FLYWCH1: variants seen among roughly 807,000 people sequenced by gnomAD.
FLYWCH1 encodes the protein FLYWCH-type zinc finger 1.
Under a neutral mutation model 66.4 loss-of-function variants are expected in FLYWCH1, and 75 were observed. The observed-to-expected ratio is 1.13, with a 90% CI of 0.94 to 1.37. The LOEUF is 1.37. Ranked by LOEUF, FLYWCH1 falls within the 40% of genes most tolerant of loss-of-function variation. The probability of loss-of-function intolerance (pLI) is 0.00; values close to 1 mark genes in which losing one functional copy is unlikely to be tolerated. For missense variants in FLYWCH1, 1,334 were observed against 1,001.8 expected (o/e 1.33, Z -4.48); for synonymous variants, 595 against 429.9 (o/e 1.38, Z -4.75).
At chr16:2,934,750 C>T (rs963986155) in intron 6 of FLYWCH1, 2 of 446,024 alleles carry the variant, frequency 4.5e-6, no homozygotes, top group African/African-American at 4.0e-5. Flanking sequence ...TCCAGAGAGA[C>T]AGTGCTGCGA....
At chr16:2,917,854 C>T (rs563159765) in intron 2 of FLYWCH1, among the ~76,000 whole-genome samples, 4 of 145,320 alleles carry the variant, frequency 2.8e-5, no homozygotes, top group East Asian at 4.2e-4. Context: ...TCTTCCCCCT[C>T]GAGATGGAGT....
chr16:2,930,969 C>T, intron 4 of FLYWCH1, 89 bp downstream of exon 4: 1 of 1,023,420 alleles, frequency 9.8e-7, no homozygotes, highest in Non-Finnish European at 1.4e-6. Flanking sequence ...TGGGGTCCCA[C>T]AGGGTCTTTT....
intron 8 of FLYWCH1, 77 bp from the exon 9 acceptor site, chr16:2,939,955 A>G: frequency 6.6e-7 from 1 of 1,517,880 alleles, no homozygotes; most frequent in Non-Finnish European, 8.9e-7. Flanking sequence ...CGTCGTTAAC[A>G]AGGTGTGTGT....
At chr16:2,926,866 C>T (rs778297800) in intron 2 of FLYWCH1, among the ~76,000 whole-genome samples, 1 of 152,158 alleles carries the variant, frequency 6.6e-6, no homozygotes, top group Non-Finnish European at 1.5e-5. Context: ...CTCCTCCTCC[C>T]GTGGTTCAGA....
intron 2 of FLYWCH1, among the ~76,000 whole-genome samples, chr16:2,918,650 A>T (rs981078833): frequency 8.6e-5 from 13 of 150,640 alleles, no homozygotes; most frequent in Non-Finnish European, 1.3e-4. Context: ...CATTTTAGTC[A>T]GGCTGGTCTC....
In FLYWCH1 at chr16:2,928,639, C is replaced by T. The variant is rs368488535; in HGVS notation, c.-73-974C>T. On this transcript the variant is annotated intron_variant, in intron 2 of 9. Transcript: ENST00000253928. ...ATCACAAAGCAGAGCAATTTTTCTT[C>T]GTACAGATCAAAATGGAGTTTCTTA... Among the ~76,000 whole-genome samples the T allele has an allele frequency of 5.3e-5, 8 of 152,292 alleles. No individual in the cohort carries two copies. The East Asian group carries it at 1.2e-3, about 22-fold the overall frequency.
At chr16:2,944,310 A>C (rs1452567520) in intron 9 of FLYWCH1, among the ~76,000 whole-genome samples, 1 of 151,304 alleles carries the variant, frequency 6.6e-6, no homozygotes, top group Non-Finnish European at 1.5e-5. Flanking sequence ...GAATCGCTTG[A>C]AACTGGGAGG....
Position 2,927,297 on chromosome 16 carries a change from G to A in FLYWCH1, c.-73-2316G>A, listed in dbSNP as rs183794768. On this transcript the variant is annotated intron_variant, in intron 2 of 9. Coordinates refer to ENST00000253928, the MANE Select transcript of FLYWCH1 (RefSeq NM_001308068.2). ...AGCTAGAAAACAGGGAGATCTTGAGGCGTGGCAGTTCCTGGTAATTTTACA... is the reference window on the plus strand; with the variant it reads ...AGCTAGAAAACAGGGAGATCTTGAGACGTGGCAGTTCCTGGTAATTTTACA... 8.5e-5 allele frequency among the ~76,000 whole-genome samples: 13 copies of A among 152,310 alleles called. 1 individual carries two copies. The East Asian group carries it at 2.5e-3, about 29-fold the overall frequency.
rs1285682300 is a variant in FLYWCH1 at position 2,912,113 on chromosome 16, C to T, written c.-229C>T. 1 of 152,212 alleles carries T rather than the reference C, an allele frequency of 6.6e-6. No homozygotes were observed. Among genetic ancestry groups the T allele is most frequent in the Non-Finnish European group, 1.5e-5 (1 of 68,044 alleles). 9.4% of individuals were successfully genotyped at this position (152,212 alleles called of 1,614,324 possible). On this transcript the variant is annotated 5_prime_UTR_variant, in exon 1 of 10. Transcript: ENST00000253928. ...GCAGCGGCAGAGGCTGAAGGATCCG[C>T]CGCGGCGCTGTCGCGGGAGAGGGAG...
intron 6 of FLYWCH1, chr16:2,934,934 T>A (rs2070935206): frequency 5.7e-6 from 1 of 174,470 alleles, no homozygotes; most frequent in African/African-American, 2.4e-5. Flanking sequence ...TTTTTTTTTT[T>A]TTTCTTTGAG....
At chr16:2,914,665 G>A (rs186574102) in intron 2 of FLYWCH1, among the ~76,000 whole-genome samples, 3 of 152,256 alleles carry the variant, frequency 2.0e-5, no homozygotes, top group Admixed American at 1.3e-4. Context: ...TTGGGAGGCT[G>A]AGGTGGGCAG....
intron 9 of FLYWCH1, among the ~76,000 whole-genome samples, chr16:2,946,283 T>C (rs1240706342): frequency 6.6e-6 from 1 of 151,286 alleles, no homozygotes; most frequent in Non-Finnish European, 1.5e-5. Flanking sequence ...GCAAGCTCCA[T>C]TCATAATTCA....
In FLYWCH1 at chr16:2,934,483, C is replaced by T. The variant is rs13337286; in HGVS notation, c.1513+504C>T. The T allele has an allele frequency of 6.7e-3, 2,435 of 363,422 alleles. 45 individuals carry two copies. Among genetic ancestry groups the T allele is most frequent in the African/African-American group, 0.036 (1,669 of 47,004 alleles). The allele number at this position is 363,422 out of a possible 1,614,324, so 22.5% of individuals were successfully genotyped here. A position where few individuals can be genotyped will look rare whatever the true frequency, so the allele number is the denominator to read the frequency against. On this transcript the variant is annotated intron_variant, in intron 6 of 9. Transcript: ENST00000253928. ...CCGGCTGTCTCCATCTTTATCCACA[C>T]GGTCGGCCCCCCGCAGTGCCTGGTG... is the stretch of plus-strand genomic sequence containing the variant.
rs1241201945 is a variant in FLYWCH1 at position 2,933,429 on chromosome 16, C to T, written c.1096C>T (p.Leu366Phe). ...DGPGSQVDTL[L>F]RGVDSLLYRR... is the part of the protein sequence containing the mutation. The stretch of plus-strand genomic sequence containing the variant: ...CCCTGGGAGCCAAGTGGACACGCTG[C>T]TCCGAGGCGTGGATAGTTTGCTCTA... Residue 366 changes from leucine (L) to phenylalanine (F), a missense_variant, in exon 5 of 10, where the codon CTC becomes TTC. Leu to Phe is a conservative substitution (Grantham distance 22). Transcript: ENST00000253928. 3 of 1,600,890 alleles carry T rather than the reference C, an allele frequency of 1.9e-6. No individual in the cohort carries two copies. Among genetic ancestry groups the T allele is most frequent in the African/African-American group, 2.7e-5 (2 of 74,636 alleles).
intron 9 of FLYWCH1, chr16:2,943,489 A>G (rs978505353): frequency 1.3e-5 from 2 of 151,592 alleles, no homozygotes; most frequent in African/African-American, 4.9e-5. Flanking sequence ...GGATGCCTGC[A>G]TACCAGATCA....
At chr16:2,932,270 CAAAAAAAA>C (rs71158125) in intron 4 of FLYWCH1, among the ~76,000 whole-genome samples, 5 of 55,304 alleles carry the variant, frequency 9.0e-5, no homozygotes, top group African/African-American at 1.5e-4. Flanking sequence ...GACCCTGTCT[CAAAAAAAA>C]AAAAAAAAAA....
At chr16:2,922,085 T>C (rs751917768) in intron 2 of FLYWCH1, among the ~76,000 whole-genome samples, 13 of 152,156 alleles carry the variant, frequency 8.5e-5, no homozygotes, top group Non-Finnish European at 1.8e-4. Flanking sequence ...CTTAAATGGG[T>C]ACATTTTGAA....
chr16:2,918,982 C>T (rs1169930460), intron 2 of FLYWCH1, among the ~76,000 whole-genome samples: 1 of 151,556 alleles, frequency 6.6e-6, no homozygotes, highest in Non-Finnish European at 1.5e-5. Context: ...GAGTCTCCCT[C>T]TTTTGCCCAG....
At chr16:2,914,524 G>A (rs1460373467) in intron 2 of FLYWCH1, among the ~76,000 whole-genome samples, 2 of 152,210 alleles carry the variant, frequency 1.3e-5, no homozygotes, top group African/African-American at 4.8e-5. Flanking sequence ...AGAGAGGACA[G>A]GAGAGTGATG....
Sources: gnomAD v4.1 joint callset for allele counts (sites outside exome capture counted in the v4.1 genomes callset) on GRCh38, gnomAD v4.1.1 for gene constraint, MANE v1.5 for transcripts, NCBI Gene and HGNC (gene_info 2026-07-23, HGNC 2026-07-21) for gene names.